The following CHD9 variants were observed in gnomAD, a reference collection of about 807,000 sequenced individuals.
CHD9 encodes chromodomain helicase DNA binding protein 9, also known as ATP-dependent chromatin remodeler CHD9.
In CHD9, 77 loss-of-function variants were observed where a neutral mutation model predicts 316.1. The ratio of observed to expected loss-of-function variants is 0.24; its 90% confidence interval spans 0.20 to 0.29. The LOEUF is 0.29. Among genes scored for constraint, CHD9 ranks in the 10% least tolerant of loss-of-function variants. The probability of loss-of-function intolerance (pLI) is 1.00; values close to 1 mark genes in which losing one functional copy is unlikely to be tolerated. For missense variants in CHD9, 2,763 were observed against 3,438.1 expected (o/e 0.80, Z 4.91); for synonymous variants, 1,129 against 1,158.3 (o/e 0.97, Z 0.51).
chr16:53,287,855 T>G, intron 26 of CHD9, 102 bp from the exon 27 acceptor site: 1 of 938,640 alleles, frequency 1.1e-6, no homozygotes, highest in South Asian at 1.4e-5. Context: ...GACGTCAGTC[T>G]GACTTTTAAA....
intron 10 of CHD9, among the ~76,000 whole-genome samples, chr16:53,233,517 G>A (rs2048356079): frequency 6.6e-6 from 1 of 152,010 alleles, no homozygotes; most frequent in South Asian, 2.1e-4. Flanking sequence ...TGTCCTCTTG[G>A]GTTTTTATGG....
intron 2 of CHD9, among the ~76,000 whole-genome samples, chr16:53,186,565 T>C (rs2044028131): frequency 6.6e-6 from 1 of 152,164 alleles, no homozygotes; most frequent in African/African-American, 2.4e-5. Flanking sequence ...TGATTGTGTT[T>C]TGAAATGTGA....
chr16:53,102,143 ACT>A (rs1234998362), intron 1 of CHD9, among the ~76,000 whole-genome samples: 1 of 152,106 alleles, frequency 6.6e-6, no homozygotes, highest in East Asian at 1.9e-4. Flanking sequence ...GCAATCTGGA[ACT>A]CTCTGCCTAG....
intron 3 of CHD9, among the ~76,000 whole-genome samples, chr16:53,221,907 G>A (rs936294867): frequency 6.6e-6 from 1 of 151,706 alleles, no homozygotes; most frequent in Non-Finnish European, 1.5e-5. Flanking sequence ...TTTAATAAGA[G>A]AAAAAAATCT....
chr16:53,137,154 A>G (rs557626203), intron 1 of CHD9, among the ~76,000 whole-genome samples: 75 of 152,146 alleles, frequency 4.9e-4, no homozygotes, highest in Non-Finnish European at 9.0e-4. Flanking sequence ...TTGTATTTTT[A>G]GTAGAGACGG....
At chr16:53,249,776 A>G in intron 16 of CHD9, 95 bp from the exon 17 acceptor site, 1 of 973,338 alleles carries the variant, frequency 1.0e-6, no homozygotes, top group Non-Finnish European at 1.6e-6. Context: ...TAGAGAAAAC[A>G]TAATGCTGCA....
At chr16:53,215,788 G>A (rs76000005) in intron 3 of CHD9, among the ~76,000 whole-genome samples, 4,926 of 152,208 alleles carry the variant, frequency 0.032, 99 homozygotes, top group Middle Eastern at 0.071. Context: ...TGCACAGCAA[G>A]TAGTACTAAC....
At chr16:53,152,433 C>G (rs1159033757) in intron 1 of CHD9, among the ~76,000 whole-genome samples, 1 of 152,152 alleles carries the variant, frequency 6.6e-6, no homozygotes, top group Non-Finnish European at 1.5e-5. Context: ...GCATCACTCT[C>G]TCATGCTTGG....
chr16:53,265,893 AG>A (rs1442802341), intron 20 of CHD9, among the ~76,000 whole-genome samples: 1 of 152,126 alleles, frequency 6.6e-6, no homozygotes, highest in Non-Finnish European at 1.5e-5. Context: ...AGCTAATATA[AG>A]TAGATCAAAA....
intron 11 of CHD9, among the ~76,000 whole-genome samples, chr16:53,237,905 C>T (rs1386960165): frequency 6.6e-6 from 1 of 151,906 alleles, no homozygotes; most frequent in Non-Finnish European, 1.5e-5. Flanking sequence ...TTTATCTGTG[C>T]TTCAGTGATA....
intron 34 of CHD9, among the ~76,000 whole-genome samples, chr16:53,309,630 T>A (rs1407337112): frequency 1.3e-5 from 2 of 152,182 alleles, no homozygotes; most frequent in Non-Finnish European, 2.9e-5. Flanking sequence ...TTTTAGTTTT[T>A]GTTTTGTTTT....
At chr16:53,248,886 T>A (rs1597635955) in intron 16 of CHD9, among the ~76,000 whole-genome samples, 1 of 152,326 alleles carries the variant, frequency 6.6e-6, no homozygotes, top group East Asian at 1.9e-4. Flanking sequence ...TGATTTATAT[T>A]ATTAGAGATT....
chr16:53,240,996 A>G (rs1349320857), intron 12 of CHD9, among the ~76,000 whole-genome samples: 1 of 152,168 alleles, frequency 6.6e-6, no homozygotes, highest in Non-Finnish European at 1.5e-5. Flanking sequence ...ACTTAACTGA[A>G]TATATTATAT....
intron 30 of CHD9, among the ~76,000 whole-genome samples, chr16:53,300,334 C>T (rs1376240506): frequency 2.7e-5 from 4 of 150,674 alleles, no homozygotes. Flanking sequence ...GCCTAGGTGA[C>T]AGGGTGAGAC....
chr16:53,283,003 A>G (rs747149250), intron 24 of CHD9, among the ~76,000 whole-genome samples: 1 of 152,066 alleles, frequency 6.6e-6, no homozygotes. Context: ...TCTGTAGCCC[A>G]TGTCTCTCTT....
intron 4 of CHD9, among the ~76,000 whole-genome samples, chr16:53,223,747 G>C (rs2047428193): frequency 6.6e-6 from 1 of 151,990 alleles, no homozygotes; most frequent in South Asian, 2.1e-4. Flanking sequence ...GTTTTGACAG[G>C]TGTGTTGCTT....
At chr16:53,260,882 T>G (rs2051019691) in intron 19 of CHD9, among the ~76,000 whole-genome samples, 1 of 152,168 alleles carries the variant, frequency 6.6e-6, no homozygotes, top group Non-Finnish European at 1.5e-5. Context: ...TAGGGCCTAC[T>G]TGGATAATAC....
chr16:53,068,216 G>T (rs1003687109), intron 1 of CHD9, among the ~76,000 whole-genome samples: 2 of 152,082 alleles, frequency 1.3e-5, no homozygotes, highest in African/African-American at 4.8e-5. Flanking sequence ...GCTGCTTAAG[G>T]TTATTAAATA....
At chr16:53,269,505 A>G (rs777374934) in intron 22 of CHD9, among the ~76,000 whole-genome samples, 5 of 152,214 alleles carry the variant, frequency 3.3e-5, no homozygotes, top group African/African-American at 7.2e-5. Flanking sequence ...TAAATAAACT[A>G]TTGAGATGGA....
Sources: allele counts gnomAD v4.1 joint callset (sites outside exome capture counted in the v4.1 genomes callset), GRCh38; gene constraint gnomAD v4.1.1; transcripts MANE v1.5; gene names NCBI Gene and HGNC (gene_info 2026-07-23, HGNC 2026-07-21).